The following BIRC6 variants were observed in gnomAD, a reference collection of about 807,000 sequenced individuals.
The protein encoded by BIRC6 is dual E2 ubiquitin-conjugating enzyme/E3 ubiquitin-protein ligase BIRC6.
Under a neutral mutation model 503.3 loss-of-function variants are expected in BIRC6, and 98 were observed. That is an observed-to-expected ratio of 0.19 (90% CI 0.17 to 0.23). The LOEUF is 0.23. BIRC6 is among the 10% of genes least tolerant of loss of function. The probability of loss-of-function intolerance (pLI) is 1.00; values close to 1 mark genes in which losing one functional copy is unlikely to be tolerated. For missense variants in BIRC6, 5,360 were observed against 5,806.0 expected, an observed-to-expected ratio of 0.92 and a Z score of 2.50; for synonymous variants, 2,240 against 2,078.7, an observed-to-expected ratio of 1.08 and a Z score of -2.11.
intron 66 of BIRC6, among the ~76,000 whole-genome samples, chr2:32,577,723 G>T (rs547452585): frequency 1.3e-5 from 2 of 152,076 alleles, no homozygotes; most frequent in Admixed American, 6.6e-5. Context: ...TTTGAGAAAG[G>T]AATCTTCTTT....
At chr2:32,546,298 G>A (rs1019056085) in intron 63 of BIRC6, among the ~76,000 whole-genome samples, 1 of 152,126 alleles carries the variant, frequency 6.6e-6, no homozygotes, top group African/African-American at 2.4e-5. Context: ...TACCAGAATA[G>A]GCTAGGTGAG....
chr2:32,402,480 C>A (rs1300720682), intron 8 of BIRC6, among the ~76,000 whole-genome samples: 1 of 152,174 alleles, frequency 6.6e-6, no homozygotes, highest in Non-Finnish European at 1.5e-5. Context: ...TACTTCACAA[C>A]CCCTTTGGTG....
At position 32,504,918 on chromosome 2, in the gene BIRC6, C is replaced by G. The variant is rs1331648396; in HGVS notation, c.9500-87C>G. The G allele has an allele frequency of 7.7e-6, 9 of 1,175,728 alleles. No individual in the cohort carries two copies. In the East Asian group the frequency reaches 2.3e-4, roughly 30 times the overall value. The allele number at this position is 1,175,728 out of a possible 1,614,324, so 72.8% of individuals were successfully genotyped here. A position where few individuals can be genotyped will look rare whatever the true frequency, so the allele number is the denominator to read the frequency against. ...TTGTTCATGTTTTCAATTAATTTTT[C>G]TAGTTTAATTGTATTTGTATAGATT... On this transcript the variant is annotated intron_variant, in intron 49 of 73. Coordinates refer to ENST00000421745, the MANE Select transcript of BIRC6 (RefSeq NM_016252.4).
At chr2:32,574,626 C>T (rs998185027) in intron 65 of BIRC6, 1 of 160,716 alleles carries the variant, frequency 6.2e-6, no homozygotes, top group Non-Finnish European at 1.4e-5. Flanking sequence ...TCTTCATACT[C>T]AGAGTCTTCA....
At position 32,433,677 on chromosome 2, in the gene BIRC6, A is replaced by G. The variant is rs1285807774; in HGVS notation, c.3282A>G (p.Val1094=). The G allele has an allele frequency of 1.9e-6, 3 of 1,593,106 alleles. No individual in the cohort carries two copies. The highest frequency in any genetic ancestry group is 1.7e-6 in the Non-Finnish European group (2 of 1,165,240). Residue 1094 remains valine (V), a synonymous_variant, in exon 13 of 74, where the codon GTA becomes GTG. Transcript: ENST00000421745. ...GGGATGAACATGTATTTGAATTAGT[A>G]CTACCTAAAGCTTGTATGGTTGGAC... is the stretch of plus-strand genomic sequence containing the variant. ...NSWDEHVFEL[V]LPKACMVGHV... is the part of the protein sequence containing the mutation.
rs749183105 is a variant in BIRC6 at position 32,611,508 on chromosome 2, A to T, written c.14320A>T (p.Ile4774Phe). 1.2e-6 allele frequency: 2 copies of T among 1,611,566 alleles called. No homozygotes were observed. Among genetic ancestry groups the T allele is most frequent in the Admixed American group, 1.7e-5 (1 of 59,822 alleles). ...GATAATGGCCCAATGTGAGGAGTGG[A>T]TTGCGGATATCCAGCAGTACAGCAG... ...VEIMAQCEEW[I>F]ADIQQYSSDK... Residue 4774 changes from isoleucine (I) to phenylalanine (F), a missense_variant, in exon 73 of 74, where the codon ATT (isoleucine) becomes TTT (phenylalanine). Around this residue, in one of 16 missense-constraint regions of BIRC6, gnomAD observed 140 missense variants for 130.2 expected, o/e 1.07. Coordinates refer to ENST00000421745, the MANE Select transcript of BIRC6 (RefSeq NM_016252.4).
chr2:32,536,635 T>C (rs373264923), intron 61 of BIRC6, among the ~76,000 whole-genome samples: 1 of 152,204 alleles, frequency 6.6e-6, no homozygotes, highest in South Asian at 2.1e-4. Flanking sequence ...GCATTATTTC[T>C]GAGGGCTCTG....
chr2:32,517,337 G>A (rs762572746), intron 55 of BIRC6, among the ~76,000 whole-genome samples: 124 of 152,236 alleles, frequency 8.1e-4, no homozygotes, highest in Admixed American at 5.9e-4. Context: ...GCGAGACCCT[G>A]TCTCAACAAA....
intron 6 of BIRC6, among the ~76,000 whole-genome samples, chr2:32,400,155 G>A (rs1318941822): frequency 6.6e-6 from 1 of 151,856 alleles, no homozygotes; most frequent in Non-Finnish European, 1.5e-5. Flanking sequence ...CGCTCAGTAA[G>A]CATTTATTTG....
At chr2:32,519,029 C>T in intron 57 of BIRC6, 83 bp downstream of exon 57, 1 of 1,343,748 alleles carries the variant, frequency 7.4e-7, no homozygotes, top group South Asian at 1.4e-5. Flanking sequence ...ACTTTATTTT[C>T]TGCATCCACT....
intron 65 of BIRC6, among the ~76,000 whole-genome samples, chr2:32,562,902 C>G (rs535849458): frequency 6.6e-6 from 1 of 152,240 alleles, no homozygotes; most frequent in African/African-American, 2.4e-5. Flanking sequence ...TATAAACATT[C>G]ACATACAGAT....
intron 61 of BIRC6, among the ~76,000 whole-genome samples, chr2:32,538,120 C>G (rs558789336): frequency 2.0e-5 from 3 of 152,068 alleles, no homozygotes; most frequent in South Asian, 4.2e-4. Context: ...ATTCCTCAGT[C>G]TTTGTGGGGT....
At chr2:32,482,717 C>T in intron 39 of BIRC6, 135 bp downstream of exon 39, 1 of 862,854 alleles carries the variant, frequency 1.2e-6, no homozygotes, top group Non-Finnish European at 1.7e-6. Context: ...CCGTGAGTAC[C>T]ATTCAGAGCT....
intron 26 of BIRC6, among the ~76,000 whole-genome samples, chr2:32,466,965 A>G (rs945733592): frequency 6.6e-6 from 1 of 152,022 alleles, no homozygotes; most frequent in African/African-American, 2.4e-5. Context: ...TAAAACTACA[A>G]AAAATTAGCC....
Position 32,469,586 on chromosome 2 carries a change from G to A in BIRC6, c.6319G>A (p.Glu2107Lys). ...TGTCCTTCAGGAATTGTACAATTCG[G>A]AACAGCTTCTCATCTTTCCACAGGA... The part of the protein sequence containing the change: ...SNVLQELYNS[E>K]QLLIFPQDRV... Residue 2107 changes from glutamate (E) to lysine (K), a missense_variant, in exon 30 of 74, where the codon GAA (glutamate) becomes AAA (lysine). By Grantham distance (56) the Glu-to-Lys change is moderately conservative (BLOSUM62 1). Transcript: ENST00000421745. The A allele has an allele frequency of 6.2e-7, 1 of 1,613,640 alleles. No homozygotes were observed. Among genetic ancestry groups the A allele is most frequent in the Middle Eastern group, 1.6e-4 (1 of 6,062 alleles).
chr2:32,387,761 A>G (rs1222444848), intron 3 of BIRC6, among the ~76,000 whole-genome samples: 1 of 152,032 alleles, frequency 6.6e-6, no homozygotes, highest in Non-Finnish European at 1.5e-5. Flanking sequence ...TTGAGTGCCT[A>G]CTCTGTGCTT....
At position 32,547,752 on chromosome 2, in the gene BIRC6, T is replaced by A. The variant is rs551694099; in HGVS notation, c.12811-98T>A. ...TTTTTGAGCAGCCACCAAACTGTTT[T>A]CCATAGTAGCTTCATCATTTTACTT... On this transcript the variant is annotated intron_variant, in intron 63 of 73. Coordinates refer to ENST00000421745, the MANE Select transcript of BIRC6 (RefSeq NM_016252.4). The A allele has an allele frequency of 2.7e-6, 3 of 1,130,484 alleles. No homozygotes were observed. In the African/African-American group the frequency reaches 4.7e-5, roughly 18 times the overall value. The allele number at this position is 1,130,484 out of a possible 1,614,324, so 70.0% of individuals were successfully genotyped here.
chr2:32,470,444 C>T (rs1479848908), intron 31 of BIRC6, 143 bp downstream of exon 31: 3 of 800,784 alleles, frequency 3.7e-6, no homozygotes, highest in Admixed American at 6.9e-5. Flanking sequence ...GAATGAGCAA[C>T]CCTCATGTGA....
intron 65 of BIRC6, among the ~76,000 whole-genome samples, chr2:32,569,851 T>C (rs896452510): frequency 2.6e-5 from 4 of 152,314 alleles, no homozygotes; most frequent in Middle Eastern, 3.4e-3. Flanking sequence ...TAGGGTTTTC[T>C]AGATCATATC....
Sources: allele counts gnomAD v4.1 joint callset (sites outside exome capture counted in the v4.1 genomes callset), GRCh38; gene constraint gnomAD v4.1.1; regional missense constraint gnomAD v4.1.1; transcripts MANE v1.5; gene names NCBI Gene and HGNC (gene_info 2026-07-23, HGNC 2026-07-21).